Variants in TPRG1 observed in about 807,000 individuals in gnomAD.
TPRG1 encodes the protein tumor protein p63 regulated 1.
A neutral mutation model predicts 29.3 loss-of-function variants in TPRG1; 29 were observed. That is an observed-to-expected ratio of 0.99 (90% confidence interval 0.74 to 1.35). The LOEUF (loss-of-function observed/expected upper bound fraction) is 1.35, where lower values mean the gene tolerates loss of function less well. Among genes scored for constraint, TPRG1 ranks in the 40% most tolerant of loss-of-function variants. The pLI is 0.00. For missense variants in TPRG1, 327 were observed against 335.0 expected (o/e 0.98, Z 0.19); for synonymous variants, 130 against 116.8 (o/e 1.11, Z -0.73).
intron 4 of TPRG1, among the ~76,000 whole-genome samples, chr3:189,257,196 T>G (rs1255394907): frequency 1.3e-5 from 2 of 152,110 alleles, no homozygotes; most frequent in East Asian, 3.8e-4. Context: ...GTAAGGCAGT[T>G]CTAGTGGTGA....
At chr3:188,999,262 G>T (rs1004687265) in intron 1 of TPRG1, among the ~76,000 whole-genome samples, 2 of 152,122 alleles carry the variant, frequency 1.3e-5, no homozygotes, top group Non-Finnish European at 2.9e-5. Flanking sequence ...CTCCCTGTTG[G>T]ATTAAATGGG....
intron 1 of TPRG1, among the ~76,000 whole-genome samples, chr3:189,119,486 G>C (rs1303860596): frequency 1.3e-5 from 2 of 152,160 alleles, no homozygotes; most frequent in African/African-American, 4.8e-5. Context: ...GATTTGGCAG[G>C]GGCCAAGGGC....
At chr3:189,312,860 A>T (rs1722926166) in intron 5 of TPRG1, among the ~76,000 whole-genome samples, 1 of 152,216 alleles carries the variant, frequency 6.6e-6, no homozygotes, top group Non-Finnish European at 1.5e-5. Flanking sequence ...GCTGAACAGG[A>T]AATTGATGTT....
rs967398877 is a variant in TPRG1, at chr3:189,301,230, G to T, written c.480-9156G>T. ...AGGAGAATCACTTGAACCTGGGAGG[G>T]AGAGGTTGCAGTGAGCCAAGATCCT... On this transcript the variant is annotated intron_variant, in intron 4 of 5. Coordinates refer to ENST00000345063, the MANE Select transcript of TPRG1 (RefSeq NM_198485.4). Among the ~76,000 whole-genome samples the T allele has an allele frequency of 9.4e-5, 14 of 149,056 alleles. No individual in the cohort carries two copies. In the Admixed American group the frequency reaches 9.4e-4, roughly 10 times the overall value.
intron 3 of TPRG1, among the ~76,000 whole-genome samples, chr3:189,022,014 T>G (rs1259658921): frequency 1.3e-5 from 2 of 152,206 alleles, no homozygotes; most frequent in Non-Finnish European, 2.9e-5. Context: ...TTTCTTCCAG[T>G]TGATCGCATT....
rs1256175289 is a variant in TPRG1 at position 189,064,167 on chromosome 3, A to C, written c.-463+40221A>C. Among the ~76,000 whole-genome samples the C allele has an allele frequency of 2.0e-5, 3 of 152,220 alleles. No homozygotes were observed. The East Asian group carries it at 5.8e-4, about 29-fold the overall frequency. The stretch of plus-strand genomic sequence containing the variant: ...GGTTACATAGGGATATAGTATCCGT[A>C]GGACTGACTACAGTTGCTGAAGATC... On this transcript the variant is annotated intron_variant, in intron 4 of 10. Transcript: ENST00000433971.
At chr3:189,246,780 A>G (rs1741440870) in intron 4 of TPRG1, among the ~76,000 whole-genome samples, 2 of 152,100 alleles carry the variant, frequency 1.3e-5, no homozygotes, top group African/African-American at 2.4e-5. Flanking sequence ...TGAGATTGTT[A>G]CTTCTTTCTT....
chr3:189,096,828 T>G (rs1265679842), upstream of TPRG1, among the ~76,000 whole-genome samples: 1 of 152,248 alleles, frequency 6.6e-6, no homozygotes, highest in Non-Finnish European at 1.5e-5. Flanking sequence ...AATTCTGCCT[T>G]ATACAGACGT....
chr3:189,125,811 TTTTGTGTGTGTG>T (rs1722387886), intron 1 of TPRG1, among the ~76,000 whole-genome samples: 1 of 129,076 alleles, frequency 7.7e-6, no homozygotes, highest in African/African-American at 3.0e-5. Flanking sequence ...CTGCAGGGTG[TTTTGTGTGTGTG>T]TGTGTGTGTG....
chr3:189,321,093 C>A lies in TPRG1; in HGVS notation c.*273C>A. ...TGTTATCAAATGAGTGCCTGATCAT[C>A]AACTCAGGAAAGAAGACTCTAAGTC... On this transcript the variant is annotated 3_prime_UTR_variant, in exon 6 of 6. Transcript: ENST00000345063. 1.9e-5 allele frequency: 4 copies of A among 215,276 alleles called. No homozygotes were observed. The highest frequency in any genetic ancestry group is 2.7e-5 in the Non-Finnish European group (3 of 110,880). The allele number at this position is 215,276 out of a possible 1,614,324, so 13.3% of individuals were successfully genotyped here.
intron 4 of TPRG1, among the ~76,000 whole-genome samples, chr3:189,266,560 A>G (rs1178241817): frequency 6.6e-6 from 1 of 152,176 alleles, no homozygotes; most frequent in Non-Finnish European, 1.5e-5. Flanking sequence ...GGGAGACAGG[A>G]GATCCGTTTT....
Position 189,325,187 on chromosome 3 carries a change from C to A in TPRG1, c.*4367C>A, listed in dbSNP as rs1429570587. 1 of 151,640 alleles carries A rather than the reference C, an allele frequency of 6.6e-6. No homozygotes were observed. The highest frequency in any genetic ancestry group is 1.5e-5 in the Non-Finnish European group (1 of 67,960). The allele number at this position is 151,640 out of a possible 1,614,324, so 9.4% of individuals were successfully genotyped here. ...CAAAAAGGAATTATGATATCCTCTG[C>A]TAAACCCTCTCTTTAGCCTCAAAGC... On this transcript the variant is annotated 3_prime_UTR_variant, in exon 6 of 6. Coordinates refer to ENST00000345063, the MANE Select transcript of TPRG1 (RefSeq NM_198485.4).
intron 1 of TPRG1, among the ~76,000 whole-genome samples, chr3:189,189,246 T>A (rs1731353516): frequency 6.6e-6 from 1 of 152,160 alleles, no homozygotes; most frequent in African/African-American, 2.4e-5. Context: ...TTTATTTTTG[T>A]AAAAACTACG....
intron 4 of TPRG1, among the ~76,000 whole-genome samples, chr3:189,057,623 A>G (rs1040651906): frequency 6.6e-6 from 1 of 151,264 alleles, no homozygotes; most frequent in African/African-American, 2.4e-5. Flanking sequence ...ATAGATGTGG[A>G]CAAACTTCAT....
At position 189,217,784 on chromosome 3, in the gene TPRG1, G is replaced by A. The variant is rs911291738; in HGVS notation, c.302+2401G>A. ...TGTTACTTTTCAAGCAGAAAAATAA[G>A]AAAAAATAATTGTCAAAAAGAGGAG... On this transcript the variant is annotated intron_variant, in intron 3 of 5. Transcript: ENST00000345063. 10 of 975,588 alleles carry A rather than the reference G, an allele frequency of 1.0e-5. No individual in the cohort carries two copies. The African/African-American group carries it at 1.6e-4, about 15-fold the overall frequency. 60.4% of individuals were successfully genotyped at this position (975,588 alleles called of 1,614,324 possible).
At position 189,294,803 on chromosome 3, in the gene TPRG1, T is replaced by TACACAC. The variant is rs10544733; in HGVS notation, c.480-15563_480-15558dup. ...CCTTTAATTACACAACCCTTACAGT[T>TACACAC]ACACACACACACACACACACACACA... is the stretch of plus-strand genomic sequence containing the variant. On this transcript the variant is annotated intron_variant, in intron 4 of 5. Transcript: ENST00000345063. Among the ~76,000 whole-genome samples the TACACAC allele has an allele frequency of 5.5e-4, 83 of 150,164 alleles. 1 individual carries two copies. Among genetic ancestry groups the TACACAC allele is most frequent in the Admixed American group, 2.1e-3 (31 of 15,082 alleles).
intron 1 of TPRG1, among the ~76,000 whole-genome samples, chr3:189,114,264 G>GTTGT (rs1720913273): frequency 7.5e-6 from 1 of 132,926 alleles, no homozygotes; most frequent in African/African-American, 3.3e-5. Context: ...GCACCTAGAT[G>GTTGT]TTGCTTGTTT....
chr3:189,032,736 A>G (rs1714003430), intron 4 of TPRG1, among the ~76,000 whole-genome samples: 1 of 130,560 alleles, frequency 7.7e-6, no homozygotes, highest in South Asian at 3.2e-4. Flanking sequence ...TCCTAATGCT[A>G]TCCCTCCCCC....
intron 3 of TPRG1, among the ~76,000 whole-genome samples, chr3:189,005,714 C>T (rs759059023): frequency 3.9e-5 from 6 of 152,010 alleles, no homozygotes; most frequent in Non-Finnish European, 8.8e-5. Flanking sequence ...CATTATATAC[C>T]ATCTTTCTTG....
Sources: gnomAD v4.1 joint callset for allele counts (sites outside exome capture counted in the v4.1 genomes callset) on GRCh38, gnomAD v4.1.1 for gene constraint, MANE v1.5 for transcripts, NCBI Gene and HGNC (gene_info 2026-07-23, HGNC 2026-07-21) for gene names.